The following TSEN2 variants were observed in gnomAD, a reference collection of about 807,000 sequenced individuals.
TSEN2 encodes tRNA splicing endonuclease subunit 2, also known as tRNA-splicing endonuclease subunit Sen2.
A neutral mutation model predicts 59.2 loss-of-function variants in TSEN2; 54 were observed. The observed-to-expected ratio is 0.91, with a 90% CI of 0.73 to 1.14. TSEN2 has a LOEUF of 1.14. Among genes scored for constraint, TSEN2 ranks in the 50% most tolerant of loss-of-function variants. The pLI is 0.00. For missense variants in TSEN2, 636 were observed against 576.2 expected (o/e 1.10, Z -1.06); for synonymous variants, 195 against 198.2 (o/e 0.98, Z 0.14).
intron 4 of TSEN2, among the ~76,000 whole-genome samples, chr3:12,501,727 A>G (rs1442414680): frequency 6.6e-6 from 1 of 152,198 alleles, no homozygotes; most frequent in Admixed American, 6.5e-5. Flanking sequence ...TTAACCAGGT[A>G]AAAGAAGGTG....
Position 12,503,646 on chromosome 3 carries a change from G to A in TSEN2, c.693G>A (p.Gln231=), listed in dbSNP as rs1026341000. The A allele has an allele frequency of 1.2e-6, 2 of 1,602,560 alleles. No homozygotes were observed. Among genetic ancestry groups the A allele is most frequent in the African/African-American group, 1.3e-5 (1 of 74,788 alleles). The change falls in exon 5 of 12, where the codon CAG becomes CAA. Residue 231 remains glutamine, a synonymous_variant. Coordinates refer to ENST00000284995, the MANE Select transcript of TSEN2 (RefSeq NM_025265.4). ...CCCKQDALIL[Q]RGLHHEDGSQ... is the part of the protein sequence containing the mutation. Reference sequence around the variant, plus strand: ...GCAAACAAGATGCTCTCATCCTCCAGCGTGGCCTTCATCATGAAGACGGCA... The same window carrying A: ...GCAAACAAGATGCTCTCATCCTCCAACGTGGCCTTCATCATGAAGACGGCA...
downstream of TSEN2, among the ~76,000 whole-genome samples, chr3:12,535,045 G>T (rs1449907847): frequency 6.6e-6 from 1 of 151,826 alleles, no homozygotes; most frequent in Non-Finnish European, 1.5e-5. Flanking sequence ...AAAAAAATTT[G>T]TCTTAATCAT....
chr3:12,538,124 C>CT (rs1252903241), downstream of TSEN2, among the ~76,000 whole-genome samples: 3 of 152,226 alleles, frequency 2.0e-5, no homozygotes, highest in African/African-American at 7.2e-5. Context: ...GCCATGCATT[C>CT]TTTCCCATTG....
At chr3:12,530,518 T>C (rs1210745223) in intron 10 of TSEN2, 2 of 985,386 alleles carry the variant, frequency 2.0e-6, no homozygotes, top group Non-Finnish European at 2.4e-6. Context: ...AAGAAAGCTG[T>C]GTGTGTTCTC....
Position 12,489,907 on chromosome 3 carries a change from A to G in TSEN2, c.107A>G (p.Glu36Gly). Reference sequence around the variant, plus strand: ...GGTCAGGACCATGGTCCTCTGAAAGAATTCAAGATATTCCGTGCTGAAATG... The same window carrying G: ...GGTCAGGACCATGGTCCTCTGAAAGGATTCAAGATATTCCGTGCTGAAATG... ...PFGQDHGPLK[E>G]FKIFRAEMIN... The change falls in exon 2 of 12, where the codon GAA becomes GGA. Residue 36 changes from glutamate (E) to glycine (G), a missense_variant. Physicochemically the swap from Glu to Gly is moderately conservative, Grantham distance 98 (BLOSUM62 -2). Transcript: ENST00000284995. 1 of 1,614,186 alleles carries G rather than the reference A, an allele frequency of 6.2e-7. No individual in the cohort carries two copies. The highest frequency in any genetic ancestry group is 8.5e-7 in the Non-Finnish European group (1 of 1,180,028).
At position 12,496,894 on chromosome 3, in the gene TSEN2, C is replaced by G. The variant is rs144143929; in HGVS notation, c.308+340C>G. 3.4e-3 allele frequency among the ~76,000 whole-genome samples: 513 copies of G among 152,322 alleles called. 4 individuals are homozygous for G. Among genetic ancestry groups the G allele is most frequent in the African/African-American group, 0.012 (487 of 41,568 alleles). On this transcript the variant is annotated intron_variant, in intron 4 of 11. Transcript: ENST00000284995. Reference sequence around the variant, plus strand: ...CGGTGGGCACAGATGGTCCTGTCCCCCTTCCTCCAGCTACACTGTAGGGTC... The same window carrying G: ...CGGTGGGCACAGATGGTCCTGTCCCGCTTCCTCCAGCTACACTGTAGGGTC...
chr3:12,518,969 C>G (rs1353158481), intron 7 of TSEN2, 90 bp from the exon 8 acceptor site: 8 of 1,317,562 alleles, frequency 6.1e-6, no homozygotes, highest in African/African-American at 1.4e-5. Flanking sequence ...TGCTTCAGCT[C>G]CACACTTAGT....
At chr3:12,516,471 TGTGTGTGTGTGTGTGTGA>T in intron 6 of TSEN2, 122 bp from the exon 7 acceptor site, 1 of 702,556 alleles carries the variant, frequency 1.4e-6, no homozygotes, top group Admixed American at 2.0e-5. Flanking sequence ...TGTGTGTGTG[TGTGTGTGTGTGTGTGTGA>T]CCTTTTTGAT....
In TSEN2 at chr3:12,503,243, C is replaced by A; in HGVS notation, c.309-19C>A. ...TTTGAAATTCGAGTGCTGTTTCTAA[C>A]AGTATTTCTGTCTTGCAGGTATCAG... On this transcript the variant is annotated intron_variant, in intron 4 of 11. Transcript: ENST00000284995. The A allele has an allele frequency of 6.2e-7, 1 of 1,614,000 alleles. No individual in the cohort carries two copies. Among genetic ancestry groups the A allele is most frequent in the East Asian group, 2.2e-5 (1 of 44,874 alleles).
chr3:12,517,689 G>A (rs17036872), intron 7 of TSEN2, among the ~76,000 whole-genome samples: 22,693 of 152,154 alleles, frequency 0.15, 1,817 homozygotes, highest in Non-Finnish European at 0.16. Flanking sequence ...CCAGCCGTTT[G>A]GAAGCAATGT....
intron 8 of TSEN2, among the ~76,000 whole-genome samples, chr3:12,523,473 C>G (rs1265833021): frequency 2.1e-5 from 3 of 145,738 alleles, no homozygotes; most frequent in Non-Finnish European, 3.0e-5. Flanking sequence ...GAGCAGCTCT[C>G]TGTTTGTCAC....
At chr3:12,487,825 T>C (rs767024948) in intron 1 of TSEN2, among the ~76,000 whole-genome samples, 10 of 152,224 alleles carry the variant, frequency 6.6e-5, no homozygotes, top group South Asian at 2.1e-4. Flanking sequence ...GGTTTTGTTA[T>C]AAACACTATA....
Position 12,518,929 on chromosome 3 carries a change from G to T in TSEN2, c.961-130G>T, listed in dbSNP as rs2125160495. 3.4e-6 allele frequency: 3 copies of T among 873,096 alleles called. 1 individual carries two copies. The highest frequency in any genetic ancestry group is 4.2e-5 in the Admixed American group (2 of 47,760). The allele number at this position is 873,096 out of a possible 1,614,324, so 54.1% of individuals were successfully genotyped here. ...GTCTCAAAAATAAAATAAATAAATTGCTCTGCTGGGGGAACTGCATTTTCT... is the reference window on the plus strand; with the variant it reads ...GTCTCAAAAATAAAATAAATAAATTTCTCTGCTGGGGGAACTGCATTTTCT... On this transcript the variant is annotated intron_variant, in intron 7 of 11. Coordinates refer to ENST00000284995, the MANE Select transcript of TSEN2 (RefSeq NM_025265.4).
intron 6 of TSEN2, among the ~76,000 whole-genome samples, chr3:12,514,091 A>T (rs958622077): frequency 6.6e-6 from 1 of 152,246 alleles, no homozygotes. Flanking sequence ...GGAGGAACAC[A>T]TGTAAGAGGA....
Position 12,503,684 on chromosome 3 carries a change from G to A in TSEN2, c.731G>A (p.Gly244Asp), listed in dbSNP as rs2054529966. ...CATGAAGACGGCAGCCAGCACATCG[G>A]CCTCCTGCATCCTGGGGACAGAGGG... ...LHHEDGSQHI[G>D]LLHPGDRGPD... Residue 244 changes from glycine to aspartate, a missense_variant, in exon 5 of 12, where the codon GGC becomes GAC. Coordinates refer to ENST00000284995, the MANE Select transcript of TSEN2 (RefSeq NM_025265.4). 3 of 1,610,726 alleles carry A rather than the reference G, an allele frequency of 1.9e-6. No individual in the cohort carries two copies.
upstream of TSEN2, among the ~76,000 whole-genome samples, chr3:12,480,532 T>TG (rs1446482258): frequency 2.9e-5 from 4 of 139,832 alleles, no homozygotes; most frequent in East Asian, 2.0e-4. Context: ...TTCTTTGTTT[T>TG]TTTTTTTTTT....
At chr3:12,531,976 C>G (rs1309678160) in intron 11 of TSEN2, among the ~76,000 whole-genome samples, 1 of 152,204 alleles carries the variant, frequency 6.6e-6, no homozygotes, top group African/African-American at 2.4e-5. Context: ...TCCCAGAGAC[C>G]AGAGGTGTCC....
Position 12,511,832 on chromosome 3 carries a change from G to T in TSEN2, c.910-4779G>T, listed in dbSNP as rs2055498679. On this transcript the variant is annotated intron_variant, in intron 6 of 11. Coordinates refer to ENST00000284995, the MANE Select transcript of TSEN2 (RefSeq NM_025265.4). ...ACCACCTGCCTTGGCCTCCGAAAGT[G>T]CTAGGATTACAGGTGTGAGCCACCC... 2.0e-5 allele frequency among the ~76,000 whole-genome samples: 3 copies of T among 152,280 alleles called. No homozygotes were observed. In the South Asian group the frequency reaches 6.2e-4, roughly 32 times the overall value.
At position 12,492,227 on chromosome 3, in the gene TSEN2, T is replaced by G; in HGVS notation, c.271+10T>G. ...GTTGCTAAATGGAAAGGTAAAGTTG[T>G]TGTATCATTCAGTTCTTTTGACAAA... On this transcript the variant is annotated intron_variant, in intron 3 of 11. Transcript: ENST00000284995. The G allele has an allele frequency of 1.2e-6, 2 of 1,606,222 alleles. No homozygotes were observed. Among genetic ancestry groups the G allele is most frequent in the East Asian group, 4.5e-5 (2 of 44,840 alleles).
Sources: allele counts gnomAD v4.1 joint callset (sites outside exome capture counted in the v4.1 genomes callset), GRCh38; gene constraint gnomAD v4.1.1; transcripts MANE v1.5; gene names NCBI Gene and HGNC (gene_info 2026-07-23, HGNC 2026-07-21).